AK7: variants seen among roughly 807,000 people sequenced by gnomAD.
The protein encoded by AK7 is adenylate kinase 7.
A neutral mutation model predicts 96.6 loss-of-function variants in AK7; 78 were observed. The observed-to-expected ratio is 0.81, with a 90% CI of 0.67 to 0.97. AK7 has a LOEUF of 0.97. Ranked by LOEUF, AK7 falls within the 50% of genes least tolerant of loss-of-function variation. The pLI, the probability that AK7 is intolerant of heterozygous loss-of-function variation, is 0.00. For synonymous variants in AK7, 302 were observed against 317.2 expected (o/e 0.95, Z 0.51); for missense variants, 855 against 887.9 (o/e 0.96, Z 0.47).
chr14:96,457,607 C>T (rs1329414795), intron 11 of AK7, among the ~76,000 whole-genome samples: 1 of 151,888 alleles, frequency 6.6e-6, no homozygotes, highest in Non-Finnish European at 1.5e-5. Flanking sequence ...CAAAGTATAG[C>T]TTGTGTTCTC....
chr14:96,394,055 G>A (rs1255849469), intron 1 of AK7, among the ~76,000 whole-genome samples: 2 of 151,784 alleles, frequency 1.3e-5, no homozygotes, highest in African/African-American at 4.8e-5. Flanking sequence ...GTTGCAGTGA[G>A]CCGAGATTGC....
chr14:96,423,299 A>G (rs929364979), intron 5 of AK7, among the ~76,000 whole-genome samples: 1 of 152,204 alleles, frequency 6.6e-6, no homozygotes, highest in Admixed American at 6.5e-5. Context: ...AGGATCACAA[A>G]GGCAGAGGCA....
intron 4 of AK7, among the ~76,000 whole-genome samples, chr14:96,415,170 A>G (rs78458749): frequency 6.6e-6 from 1 of 152,122 alleles, no homozygotes; most frequent in East Asian, 1.9e-4. Context: ...AAATCTGGCA[A>G]TTGGCTGGGC....
At chr14:96,401,114 T>A (rs2139987202) in intron 2 of AK7, among the ~76,000 whole-genome samples, 1 of 152,222 alleles carries the variant, frequency 6.6e-6, no homozygotes, top group East Asian at 1.9e-4. Flanking sequence ...CTCCAGCATC[T>A]CTCACTACTC....
intron 7 of AK7, among the ~76,000 whole-genome samples, 166 bp downstream of exon 7, chr14:96,442,984 T>C (rs1639313352): frequency 6.6e-6 from 1 of 152,202 alleles, no homozygotes. Context: ...CCATTTTGCA[T>C]CTAATGAAAT....
intron 4 of AK7, among the ~76,000 whole-genome samples, chr14:96,419,433 C>G (rs1475760227): frequency 6.6e-6 from 1 of 152,046 alleles, no homozygotes; most frequent in Non-Finnish European, 1.5e-5. Flanking sequence ...AGGTGGAGAC[C>G]AGCCTGGGTA....
intron 6 of AK7, among the ~76,000 whole-genome samples, chr14:96,439,492 G>A (rs913540164): frequency 3.3e-5 from 5 of 151,970 alleles, no homozygotes; most frequent in South Asian, 4.1e-4. Flanking sequence ...GAGAAACCCC[G>A]TCTCTACTAA....
intron 8 of AK7, among the ~76,000 whole-genome samples, chr14:96,448,615 AC>A (rs1180991133): frequency 6.9e-6 from 1 of 145,690 alleles, no homozygotes; most frequent in African/African-American, 2.5e-5. Context: ...GGGCAATAGA[AC>A]AAGACCCTAT....
chr14:96,402,695 A>C (rs1046418790), intron 2 of AK7, among the ~76,000 whole-genome samples: 2 of 152,186 alleles, frequency 1.3e-5, no homozygotes, highest in African/African-American at 4.8e-5. Context: ...CATTCAGCCA[A>C]GAGAAGGAAG....
At chr14:96,486,032 C>T (rs1430374758) in intron 16 of AK7, among the ~76,000 whole-genome samples, 2 of 152,170 alleles carry the variant, frequency 1.3e-5, no homozygotes, top group Non-Finnish European at 2.9e-5. Flanking sequence ...GATCCACCCG[C>T]CTCGGCCTCC....
intron 2 of AK7, among the ~76,000 whole-genome samples, chr14:96,401,697 G>A (rs954819661): frequency 1.3e-5 from 2 of 152,132 alleles, no homozygotes; most frequent in Non-Finnish European, 2.9e-5. Flanking sequence ...AAAGGTGAGG[G>A]AAAGGTGAGA....
At position 96,404,807 on chromosome 14, in the gene AK7, T is replaced by A. The variant is rs781266328; in HGVS notation, c.345T>A (p.Ile115=). The A allele has an allele frequency of 1.9e-6, 3 of 1,610,446 alleles. No homozygotes were observed. In the Admixed American group the frequency reaches 5.0e-5, roughly 27 times the overall value. ...TGCGCCTGCTGGAGTGTGATGTTAT[T>A]ATTTATAACATCACTGAGAGCTCAC... ...LLMRLLECDV[I]IYNITESSQQ... is the part of the protein sequence containing the mutation. The change falls in exon 3 of 18, where the codon ATT becomes ATA. Residue 115 remains isoleucine, a synonymous_variant. Coordinates refer to ENST00000267584, the MANE Select transcript of AK7 (RefSeq NM_152327.5).
intron 14 of AK7, among the ~76,000 whole-genome samples, chr14:96,475,650 C>T (rs1346888104): frequency 6.6e-6 from 1 of 152,170 alleles, no homozygotes; most frequent in Non-Finnish European, 1.5e-5. Context: ...ACAGCAGTCT[C>T]TCCCCAGATC....
chr14:96,441,332 T>G (rs967293466), intron 6 of AK7, among the ~76,000 whole-genome samples: 3 of 151,294 alleles, frequency 2.0e-5, no homozygotes, highest in African/African-American at 7.3e-5. Context: ...AATTTCATAG[T>G]GGGCAAATTG....
chr14:96,419,866 G>A (rs905361436), intron 4 of AK7, among the ~76,000 whole-genome samples: 2 of 136,328 alleles, frequency 1.5e-5, no homozygotes, highest in Non-Finnish European at 3.0e-5. Flanking sequence ...TCGGCTCACT[G>A]CAACATCCGC....
chr14:96,468,116 T>G (rs1392553628), intron 12 of AK7, among the ~76,000 whole-genome samples: 1 of 145,636 alleles, frequency 6.9e-6, no homozygotes, highest in East Asian at 2.0e-4. Flanking sequence ...TATGGTGGTG[T>G]GCGAGGCACT....
chr14:96,395,311 A>G (rs1182451015), intron 1 of AK7, among the ~76,000 whole-genome samples: 1 of 152,246 alleles, frequency 6.6e-6, no homozygotes, highest in Non-Finnish European at 1.5e-5. Flanking sequence ...AGAAAATCAT[A>G]AAGAAGACAA....
intron 17 of AK7, 129 bp downstream of exon 17, chr14:96,487,185 C>A (rs1895817285): frequency 4.5e-6 from 4 of 896,134 alleles, no homozygotes; most frequent in Admixed American, 5.6e-5. Flanking sequence ...GACCACCCTG[C>A]CAACATAGTG....
chr14:96,395,718 GAAAAAAAAA>G (rs71103518), intron 1 of AK7, among the ~76,000 whole-genome samples: 4 of 41,034 alleles, frequency 9.7e-5, no homozygotes, highest in East Asian at 1.2e-3. Flanking sequence ...CTTGTCTCTA[GAAAAAAAAA>G]AAAAAAAAAA....
Sources: gnomAD v4.1 joint callset for allele counts (sites outside exome capture counted in the v4.1 genomes callset) on GRCh38, gnomAD v4.1.1 for gene constraint, MANE v1.5 for transcripts, NCBI Gene and HGNC (gene_info 2026-07-23, HGNC 2026-07-21) for gene names.